FBXW10B: variants seen among roughly 807,000 people sequenced by gnomAD.
FBXW10B encodes F-box and WD repeat domain containing 10B.
the FBXW10B span, among the ~76,000 whole-genome samples, chr17:15,618,205 G>A: frequency 6.6e-6 from 1 of 152,246 alleles, no homozygotes; most frequent in East Asian, 1.9e-4. Flanking sequence ...GCACGCACCT[G>A]TAGTCCCAGC....
At chr17:15,576,324 A>G in the FBXW10B span, among the ~76,000 whole-genome samples, 27 of 152,226 alleles carry the variant, frequency 1.8e-4, no homozygotes, top group Non-Finnish European at 1.0e-4. Context: ...ATCACCTGTA[A>G]TGTACAAGCA....
chr17:15,582,876 G>A, the FBXW10B span, among the ~76,000 whole-genome samples: 1 of 151,506 alleles, frequency 6.6e-6, no homozygotes, highest in Admixed American at 6.6e-5. Flanking sequence ...AAATCTGGAA[G>A]ATAGATTAAA....
the FBXW10B span, among the ~76,000 whole-genome samples, chr17:15,617,339 A>G: frequency 3.3e-5 from 5 of 152,104 alleles, no homozygotes; most frequent in Non-Finnish European, 7.4e-5. Context: ...CACACCTTCA[A>G]GAGCTAAAAC....
the FBXW10B span, among the ~76,000 whole-genome samples, chr17:15,570,046 A>C: frequency 5.9e-5 from 9 of 152,218 alleles, no homozygotes; most frequent in Non-Finnish European, 1.0e-4. Flanking sequence ...AGGTGAACAA[A>C]ACAGAAAAAT....
At chr17:15,618,038 C>G in the FBXW10B span, among the ~76,000 whole-genome samples, 4 of 152,156 alleles carry the variant, frequency 2.6e-5, no homozygotes, top group East Asian at 7.7e-4. Context: ...GTTAGAAATA[C>G]AGAATCCCTG....
chr17:15,578,599 T>C, the FBXW10B span, among the ~76,000 whole-genome samples: 1 of 151,998 alleles, frequency 6.6e-6, no homozygotes, highest in African/African-American at 2.4e-5. Flanking sequence ...GTGGCAGGCA[T>C]TGGGTGTTAT....
the FBXW10B span, among the ~76,000 whole-genome samples, chr17:15,608,702 C>T: frequency 6.6e-6 from 1 of 152,226 alleles, no homozygotes; most frequent in African/African-American, 2.4e-5. Context: ...GATCTGCCTG[C>T]CTCAGCCTCC....
At chr17:15,615,072 G>GTCT in the FBXW10B span, among the ~76,000 whole-genome samples, 1 of 152,126 alleles carries the variant, frequency 6.6e-6, no homozygotes, top group African/African-American at 2.4e-5. Context: ...TTTCAGATGT[G>GTCT]TCTTGTGGGC....
the FBXW10B span, among the ~76,000 whole-genome samples, chr17:15,587,340 G>A: frequency 2.0e-5 from 3 of 151,612 alleles, no homozygotes; most frequent in South Asian, 6.2e-4. Flanking sequence ...TCTCTCAGCT[G>A]TAATTTATAG....
At chr17:15,576,465 A>T in the FBXW10B span, among the ~76,000 whole-genome samples, 8 of 152,340 alleles carry the variant, frequency 5.3e-5, no homozygotes, top group Non-Finnish European at 1.2e-4. Flanking sequence ...ATAGATCAGT[A>T]CAAACAAGAA....
At chr17:15,616,994 T>C in the FBXW10B span, among the ~76,000 whole-genome samples, 1 of 151,872 alleles carries the variant, frequency 6.6e-6, no homozygotes, top group Non-Finnish European at 1.5e-5. Flanking sequence ...CACTCCAGAG[T>C]GGAAGGGGCC....
chr17:15,594,767 T>C, the FBXW10B span: 5 of 1,613,854 alleles, frequency 3.1e-6, no homozygotes, highest in Middle Eastern at 1.7e-4. Context: ...TTGAAGGCCA[T>C]CAGGCAGCGC....
At chr17:15,574,186 G>A in the FBXW10B span, 11 of 729,374 alleles carry the variant, frequency 1.5e-5, no homozygotes, top group Middle Eastern at 2.3e-4. Flanking sequence ...GTTCTAGTCT[G>A]GGAGCAGACA....
At chr17:15,605,579 C>T in the FBXW10B span, 22 of 950,282 alleles carry the variant, frequency 2.3e-5, no homozygotes, top group Non-Finnish European at 2.8e-5. Flanking sequence ...TGAGAATTAA[C>T]AGGCTCTGAG....
the FBXW10B span, among the ~76,000 whole-genome samples, chr17:15,603,040 A>G: frequency 7.1e-6 from 1 of 140,484 alleles, no homozygotes; most frequent in Non-Finnish European, 1.5e-5. Flanking sequence ...ATGTGCCACC[A>G]TGCCCAGCTA....
At chr17:15,603,736 A>G in the FBXW10B span, among the ~76,000 whole-genome samples, 1 of 146,734 alleles carries the variant, frequency 6.8e-6, no homozygotes, top group East Asian at 2.2e-4. Flanking sequence ...CAGGGGACAC[A>G]TCCAAGACCC....
chr17:15,593,465 G>A, the FBXW10B span: 3 of 1,614,176 alleles, frequency 1.9e-6, no homozygotes, highest in Non-Finnish European at 2.5e-6. Context: ...TGATGACCCG[G>A]AGGAAGAGAA....
chr17:15,610,736 G>A, the FBXW10B span, among the ~76,000 whole-genome samples: 6 of 152,150 alleles, frequency 3.9e-5, no homozygotes, highest in African/African-American at 1.2e-4. Flanking sequence ...ATACAGTCCA[G>A]TTCTGTCAAA....
chr17:15,594,227 C>T, the FBXW10B span, among the ~76,000 whole-genome samples: 6 of 151,988 alleles, frequency 3.9e-5, no homozygotes, highest in African/African-American at 1.2e-4. Flanking sequence ...AATCCCAGCA[C>T]TTTGGGAGGC....
Sources: gnomAD v4.1 joint callset for allele counts (sites outside exome capture counted in the v4.1 genomes callset) on GRCh38, gnomAD v4.1.1 for gene constraint, MANE v1.5 for transcripts, NCBI Gene and HGNC (gene_info 2026-07-23, HGNC 2026-07-21) for gene names.